The following ERI2 variants were observed in gnomAD, a reference collection of about 807,000 sequenced individuals.
The protein encoded by ERI2 is ERI1 exoribonuclease family member 2.
In ERI2, 35 loss-of-function variants were observed where a neutral mutation model predicts 46.8. That is an observed-to-expected ratio of 0.75 (90% CI 0.57 to 0.99). ERI2 has a LOEUF of 0.99. Ranked by LOEUF, ERI2 falls within the 50% of genes least tolerant of loss-of-function variation. ERI2 has a pLI of 0.00. For missense variants in ERI2, 695 were observed against 796.2 expected (o/e 0.87, Z 1.53); for synonymous variants, 224 against 271.0 (o/e 0.83, Z 1.70).
intron 2 of ERI2, 27 bp downstream of exon 2, chr16:20,803,576 T>C (rs778906247): frequency 6.2e-7 from 1 of 1,614,138 alleles, no homozygotes; most frequent in Non-Finnish European, 8.5e-7. Flanking sequence ...GGCTACAAAA[T>C]GCAAAGAAAC....
intron 10 of ERI2, chr16:20,783,565 T>C (rs1397502681): frequency 6.6e-6 from 1 of 152,206 alleles, no homozygotes; most frequent in African/African-American, 2.4e-5. Context: ...AACATCTATG[T>C]ATTTCTTGTT....
Position 20,781,680 on chromosome 16 carries a change from C to A in ERI2, c.895-946G>T. The A allele has an allele frequency of 2.6e-6, 4 of 1,552,894 alleles. No individual in the cohort carries two copies. In the African/African-American group the frequency reaches 4.1e-5, roughly 16 times the overall value. On this transcript the variant is annotated intron_variant, in intron 10 of 10. Coordinates refer to the ERI2 transcript ENST00000300005. Reference sequence around the variant, plus strand: ...AGCACTTATTTAAGTTGTAGTAAGACCAAGAGTTTGCTTTTTCTAAATTGC... The same window carrying A: ...AGCACTTATTTAAGTTGTAGTAAGAACAAGAGTTTGCTTTTTCTAAATTGC...
At chr16:20,792,511 C>T (rs1287253613), downstream of ERI2, 1 of 984,424 alleles carries the variant, frequency 1.0e-6, no homozygotes, top group Non-Finnish European at 1.2e-6. Context: ...TTATGAGTTG[C>T]AGCTCTGATC....
intron 1 of ERI2, among the ~76,000 whole-genome samples, chr16:20,804,851 T>C (rs554000347): frequency 2.6e-5 from 4 of 152,280 alleles, no homozygotes; most frequent in African/African-American, 9.6e-5. Flanking sequence ...ATATCATTTA[T>C]TGACTGCTTA....
rs1049926966 is a variant in ERI2, at chr16:20,804,335, T to C, written c.24-665A>G. On this transcript the variant is annotated intron_variant, in intron 1 of 8. Coordinates refer to ENST00000357967, the MANE Select transcript of ERI2 (RefSeq NM_001142725.2). ...TAAGAAGACAAGACAATGTAGGACA[T>C]GGTTCAGTCTTCCAGTTTAAAAATC... 9.2e-5 allele frequency among the ~76,000 whole-genome samples: 14 copies of C among 152,292 alleles called. No homozygotes were observed. In the East Asian group the frequency reaches 1.5e-3, roughly 17 times the overall value.
intron 10 of ERI2, chr16:20,786,456 G>C: frequency 2.5e-6 from 1 of 404,156 alleles, no homozygotes; most frequent in Non-Finnish European, 4.1e-6. Flanking sequence ...CAAGGCGGGA[G>C]CATCACTTGA....
chr16:20,793,602 C>G (rs760911467), downstream of ERI2, among the ~76,000 whole-genome samples: 9 of 152,188 alleles, frequency 5.9e-5, no homozygotes, highest in Non-Finnish European at 1.3e-4. Flanking sequence ...CTGTTAAGTC[C>G]TCCTGGATGG....
At chr16:20,782,667 C>T (rs903267047) in intron 10 of ERI2, among the ~76,000 whole-genome samples, 4 of 152,188 alleles carry the variant, frequency 2.6e-5, no homozygotes, top group Admixed American at 6.5e-5. Flanking sequence ...TCTTTCCCAT[C>T]TCAAATGCTA....
intron 8 of ERI2, chr16:20,791,020 C>T: frequency 4.3e-6 from 6 of 1,410,088 alleles, no homozygotes; most frequent in Non-Finnish European, 5.9e-6. Context: ...AGTTAGTGCT[C>T]TTTCTTTTCG....
downstream of ERI2, among the ~76,000 whole-genome samples, chr16:20,793,145 A>G (rs1367802019): frequency 3.9e-5 from 6 of 152,176 alleles, no homozygotes; most frequent in Non-Finnish European, 2.9e-5. Flanking sequence ...GTTAGAAGGT[A>G]TCCAATCTCA....
At position 20,803,503 on chromosome 16, in the gene ERI2, G is replaced by C. The variant is rs911690317; in HGVS notation, c.105C>G (p.Asp35Glu). ...ATTCAAAATCAATGACAATTAAGTA[G>C]TCAAACAACTGCTCTGCAAAAGATC... ...LGRSKSKQLF[D>E]YLIVIDFEST... Residue 35 changes from aspartate to glutamate, a missense_variant, in exon 3 of 9, where the codon GAC (aspartate) becomes GAG (glutamate). By Grantham distance (45) the Asp-to-Glu change is conservative. Coordinates refer to ENST00000357967, the MANE Select transcript of ERI2 (RefSeq NM_001142725.2). The C allele has an allele frequency of 1.9e-6, 3 of 1,613,830 alleles. No individual in the cohort carries two copies. Among genetic ancestry groups the C allele is most frequent in the Non-Finnish European group, 2.5e-6 (3 of 1,179,866 alleles).
chr16:20,793,331 T>C (rs1490763620), downstream of ERI2, among the ~76,000 whole-genome samples: 4 of 152,184 alleles, frequency 2.6e-5, no homozygotes. Context: ...TAGCCAGGCA[T>C]GGTGGCACAC....
chr16:20,792,353 T>C (rs948433801), downstream of ERI2: 1 of 1,613,234 alleles, frequency 6.2e-7, no homozygotes, highest in East Asian at 2.2e-5. Context: ...AACTGATTCA[T>C]GTCAACTTTA....
chr16:20,796,935 G>T lies in ERI2; in HGVS notation c.*789C>A. The T allele has an allele frequency of 6.2e-7, 1 of 1,612,906 alleles. No homozygotes were observed. Among genetic ancestry groups the T allele is most frequent in the Non-Finnish European group, 8.5e-7 (1 of 1,179,466 alleles). On this transcript the variant is annotated 3_prime_UTR_variant, in exon 9 of 9. Coordinates refer to ENST00000357967, the MANE Select transcript of ERI2 (RefSeq NM_001142725.2). ...AAGACTATCAGTGGGAAGACAAAAA[G>T]AAATGAACTGAGGAAGAAAGAATGG...
intron 4 of ERI2, among the ~76,000 whole-genome samples, chr16:20,801,929 T>C (rs529544174): frequency 6.6e-6 from 1 of 152,060 alleles, no homozygotes; most frequent in East Asian, 2.0e-4. Context: ...TGGCTAATTT[T>C]TGTATTTTTA....
At chr16:20,780,628 A>G (rs747536181) in exon 11 of ERI2, 4 of 1,613,010 alleles carry the variant, frequency 2.5e-6, no homozygotes, top group Non-Finnish European at 3.4e-6. Context: ...GAAGAGGTTC[A>G]AGTGGAGAGC....
At position 20,798,957 on chromosome 16, in the gene ERI2, C is replaced by T. The variant is rs1390117541; in HGVS notation, c.843G>A (p.Lys281=). 9 of 1,550,482 alleles carry T rather than the reference C, an allele frequency of 5.8e-6. No homozygotes were observed. Among genetic ancestry groups the T allele is most frequent in the Non-Finnish European group, 7.8e-6 (9 of 1,146,684 alleles). The change falls in exon 9 of 9, where the codon AAG becomes AAA. Residue 281 remains lysine, a synonymous_variant. Transcript: ENST00000357967. Reference sequence around the variant, plus strand: ...GAGGATTTATTATATTTTTAGGCTCCTTATTATATATGCTGGGACCCTGGA... The same window carrying T: ...GAGGATTTATTATATTTTTAGGCTCTTTATTATATATGCTGGGACCCTGGA... ...ISIQGPSIYN[K]EPKNIINPHE... is the part of the protein sequence containing the mutation.
chr16:20,795,270 C>T (rs1046116932), downstream of ERI2, among the ~76,000 whole-genome samples: 12 of 152,216 alleles, frequency 7.9e-5, 1 homozygote, highest in Non-Finnish European at 1.8e-4. Flanking sequence ...ATCCTCCCAC[C>T]TCGGCCTCCC....
At chr16:20,794,913 A>G (rs2152491573), downstream of ERI2, among the ~76,000 whole-genome samples, 1 of 152,330 alleles carries the variant, frequency 6.6e-6, no homozygotes, top group Non-Finnish European at 1.5e-5. Flanking sequence ...CAGTAGTTTA[A>G]AAAGATAAAA....
Sources: gnomAD v4.1 joint callset for allele counts (sites outside exome capture counted in the v4.1 genomes callset) on GRCh38, gnomAD v4.1.1 for gene constraint, MANE v1.5 for transcripts, NCBI Gene and HGNC (gene_info 2026-07-23, HGNC 2026-07-21) for gene names.